Variants in STK39 observed in about 807,000 individuals in gnomAD.
STK39 encodes the protein STE20/SPS1-related proline-alanine-rich protein kinase.
A neutral mutation model predicts 77.8 loss-of-function variants in STK39; 20 were observed. The observed-to-expected ratio is 0.26, with a 90% CI of 0.18 to 0.37. The LOEUF (loss-of-function observed/expected upper bound fraction) is 0.37. STK39 is among the 10% of genes least tolerant of loss of function. The pLI is 1.00. For missense variants in STK39, 479 were observed against 656.5 expected, an observed-to-expected ratio of 0.73 and a Z score of 2.95; for synonymous variants, 246 against 234.1, an observed-to-expected ratio of 1.05 and a Z score of -0.47.
In STK39 at chr2:168,247,530, G is replaced by A. The variant is rs1276371499; in HGVS notation, c.-95C>T. 5 of 560,100 alleles carry A rather than the reference G, an allele frequency of 8.9e-6. No homozygotes were observed. The highest frequency in any genetic ancestry group is 8.1e-5 in the South Asian group (2 of 24,622). 34.7% of individuals were successfully genotyped at this position (560,100 alleles called of 1,614,324 possible). Reference sequence around the variant, plus strand: ...TCGCCGCCGACACCTCTCGGCCGGCGCACGCCCTCCCCGCCCGCCGCCGCC... The same window carrying A: ...TCGCCGCCGACACCTCTCGGCCGGCACACGCCCTCCCCGCCCGCCGCCGCC... On this transcript the variant is annotated 5_prime_UTR_variant, in exon 1 of 18. Coordinates refer to ENST00000355999, the MANE Select transcript of STK39 (RefSeq NM_013233.3).
intron 10 of STK39, among the ~76,000 whole-genome samples, chr2:168,093,539 T>C (rs942317238): frequency 1.6e-4 from 24 of 152,186 alleles, no homozygotes; most frequent in Admixed American, 9.2e-4. Flanking sequence ...CCATGGATTA[T>C]GGGAGCTACA....
chr2:168,119,524 C>A (rs1328142513), intron 10 of STK39, among the ~76,000 whole-genome samples: 1 of 152,088 alleles, frequency 6.6e-6, no homozygotes, highest in East Asian at 1.9e-4. Context: ...AAACCATCAC[C>A]CTTCAATCTC....
chr2:168,139,805 A>C (rs1486203609), intron 7 of STK39, among the ~76,000 whole-genome samples: 1 of 152,190 alleles, frequency 6.6e-6, no homozygotes, highest in Non-Finnish European at 1.5e-5. Flanking sequence ...TAGCATCCTA[A>C]AAACACTGTG....
chr2:168,218,919 G>C (rs529636057), intron 1 of STK39, among the ~76,000 whole-genome samples: 1 of 151,836 alleles, frequency 6.6e-6, no homozygotes, highest in East Asian at 1.9e-4. Context: ...ACTCAGGACA[G>C]GCATGCTTTT....
chr2:168,217,781 C>T (rs1468349142), intron 1 of STK39, among the ~76,000 whole-genome samples: 1 of 152,098 alleles, frequency 6.6e-6, no homozygotes, highest in African/African-American at 2.4e-5. Flanking sequence ...ATGCAATCAT[C>T]CATTTTTTTC....
chr2:168,138,056 G>T (rs759744955), intron 8 of STK39, 32 bp downstream of exon 8: 1 of 1,608,208 alleles, frequency 6.2e-7, no homozygotes, highest in South Asian at 1.1e-5. Context: ...GCTCAAACCA[G>T]GTCATTAACT....
At chr2:168,151,631 C>T (rs144107185) in intron 5 of STK39, among the ~76,000 whole-genome samples, 16 of 151,600 alleles carry the variant, frequency 1.1e-4, no homozygotes, top group Admixed American at 5.3e-4. Flanking sequence ...CCCAGCTACT[C>T]GTGAGGCTGA....
chr2:168,069,772 T>C (rs896200878), intron 12 of STK39, among the ~76,000 whole-genome samples: 2 of 152,142 alleles, frequency 1.3e-5, no homozygotes, highest in Admixed American at 6.5e-5. Flanking sequence ...AATTACCAAA[T>C]CAGAATCTGT....
At chr2:167,973,472 C>T (rs902839080) in intron 16 of STK39, among the ~76,000 whole-genome samples, 1 of 152,052 alleles carries the variant, frequency 6.6e-6, no homozygotes, top group Admixed American at 6.6e-5. Context: ...AAATTCTTGT[C>T]CTAAAGTAAA....
intron 17 of STK39, among the ~76,000 whole-genome samples, chr2:167,962,135 T>C (rs1271733955): frequency 6.6e-6 from 1 of 152,208 alleles, no homozygotes; most frequent in Non-Finnish European, 1.5e-5. Flanking sequence ...CCCCTGACGT[T>C]TTCCTTTAAA....
At chr2:168,140,826 G>A in intron 5 of STK39, 68 bp from the exon 6 acceptor site, 1 of 1,280,916 alleles carries the variant, frequency 7.8e-7, no homozygotes, top group Non-Finnish European at 1.1e-6. Flanking sequence ...GTGATTTTTT[G>A]AGCATGTCTC....
intron 14 of STK39, among the ~76,000 whole-genome samples, chr2:168,040,282 C>A (rs1195286461): frequency 6.6e-6 from 1 of 152,044 alleles, no homozygotes; most frequent in Non-Finnish European, 1.5e-5. Flanking sequence ...CACAAAAGGG[C>A]TGAATCAACA....
intron 5 of STK39, among the ~76,000 whole-genome samples, chr2:168,161,263 C>T (rs1688565068): frequency 6.6e-6 from 1 of 152,180 alleles, no homozygotes; most frequent in Non-Finnish European, 1.5e-5. Context: ...AAGGTGCTCA[C>T]CTGATATTGT....
chr2:167,975,075 T>C (rs998039583), intron 16 of STK39, among the ~76,000 whole-genome samples: 2 of 152,212 alleles, frequency 1.3e-5, no homozygotes, highest in South Asian at 2.1e-4. Flanking sequence ...AGTTAATATG[T>C]CTAATGTTAA....
At chr2:167,982,755 A>G (rs1574365027) in intron 16 of STK39, among the ~76,000 whole-genome samples, 2 of 152,168 alleles carry the variant, frequency 1.3e-5, no homozygotes, top group South Asian at 4.1e-4. Flanking sequence ...AAGAATAGGG[A>G]GCACTTTTTC....
chr2:168,139,256 G>GA (rs1213183357), intron 7 of STK39, among the ~76,000 whole-genome samples: 7 of 151,920 alleles, frequency 4.6e-5, no homozygotes, highest in Admixed American at 6.6e-5. Context: ...CTGAATAAAA[G>GA]AAAAAATCCT....
intron 1 of STK39, among the ~76,000 whole-genome samples, chr2:168,246,167 T>C (rs1331385193): frequency 6.6e-6 from 1 of 152,184 alleles, no homozygotes; most frequent in Non-Finnish European, 1.5e-5. Context: ...ACCAAGATTC[T>C]GGAAAGGCAA....
chr2:168,126,343 A>C (rs1056476895), intron 10 of STK39, among the ~76,000 whole-genome samples: 1 of 152,232 alleles, frequency 6.6e-6, no homozygotes, highest in Non-Finnish European at 1.5e-5. Flanking sequence ...CAGTCTAAGA[A>C]CAAATAAATT....
rs1465360538 is a variant in STK39 at position 168,247,527 on chromosome 2, G to A, written c.-92C>T. On this transcript the variant is annotated 5_prime_UTR_variant, in exon 1 of 18. Transcript: ENST00000355999. ...GCCTCGCCGCCGACACCTCTCGGCCGGCGCACGCCCTCCCCGCCCGCCGCC... is the reference window on the plus strand; with the variant it reads ...GCCTCGCCGCCGACACCTCTCGGCCAGCGCACGCCCTCCCCGCCCGCCGCC... 38 of 659,436 alleles carry A rather than the reference G, an allele frequency of 5.8e-5. No homozygotes were observed. Among genetic ancestry groups the A allele is most frequent in the African/African-American group, 5.5e-4 (22 of 40,166 alleles). The allele number at this position is 659,436 out of a possible 1,614,324, so 40.8% of individuals were successfully genotyped here.
Sources: allele counts gnomAD v4.1 joint callset (sites outside exome capture counted in the v4.1 genomes callset), GRCh38; gene constraint gnomAD v4.1.1; transcripts MANE v1.5; gene names NCBI Gene and HGNC (gene_info 2026-07-23, HGNC 2026-07-21).